Variants in CDCP1 observed in about 807,000 individuals in gnomAD.
CDCP1 encodes the protein CUB domain-containing protein 1.
Under a neutral mutation model 60.2 loss-of-function variants are expected in CDCP1, and 29 were observed. That is an observed-to-expected ratio of 0.48 (90% CI 0.36 to 0.66). The LOEUF (loss-of-function observed/expected upper bound fraction) is 0.66. Ranked by LOEUF, CDCP1 falls within the 30% of genes least tolerant of loss-of-function variation. The pLI is 0.00. For missense variants in CDCP1, 876 were observed against 1,074.3 expected (o/e 0.82, Z 2.58); for synonymous variants, 387 against 431.1 (o/e 0.90, Z 1.27).
chr3:45,093,523 G>A lies in CDCP1; in HGVS notation c.1381C>T (p.Leu461=). The A allele has an allele frequency of 6.2e-7, 1 of 1,614,148 alleles. No homozygotes were observed. The highest frequency in any genetic ancestry group is 8.5e-7 in the Non-Finnish European group (1 of 1,179,970). The change falls in exon 6 of 9, where the codon CTG becomes TTG. Residue 461 remains leucine, a synonymous_variant. Transcript: ENST00000296129. ...TGCTGCAGCTTCTGGGCTGGCACCA[G>A]CACCAGGCTGAGCCTGTCCTTGGGC... ...LVPKDRLSLV[L]VPAQKLQQHT...
At chr3:45,136,958 A>G (rs1368121023) in intron 1 of CDCP1, among the ~76,000 whole-genome samples, 1 of 152,224 alleles carries the variant, frequency 6.6e-6, no homozygotes, top group Non-Finnish European at 1.5e-5. Flanking sequence ...GACAGGACCC[A>G]TTGAATTATA....
chr3:45,106,407 CA>C (rs1162009561), intron 4 of CDCP1, among the ~76,000 whole-genome samples: 1 of 152,184 alleles, frequency 6.6e-6, no homozygotes, highest in Non-Finnish European at 1.5e-5. Context: ...CACCACCAAG[CA>C]GCTGCTCTCA....
intron 4 of CDCP1, among the ~76,000 whole-genome samples, chr3:45,099,249 C>A (rs2125992638): frequency 6.6e-6 from 1 of 151,798 alleles, no homozygotes; most frequent in Non-Finnish European, 1.5e-5. Flanking sequence ...CTTTATTCCA[C>A]CTTCACACTT....
chr3:45,093,573 T>C lies in CDCP1; in HGVS notation c.1331A>G (p.His444Arg), dbSNP rs1307746005. Residue 444 changes from histidine (H) to arginine (R), a missense_variant, in exon 6 of 9, where the codon CAT becomes CGT. His to Arg is a conservative substitution (Grantham distance 29). Coordinates refer to ENST00000296129, the MANE Select transcript of CDCP1 (RefSeq NM_022842.5). ...CACCAGCAGCTTCCAGGAGAAGTCATGCAGCTCCACAGGCAGGTGGAGGAT... is the reference window on the plus strand; with the variant it reads ...CACCAGCAGCTTCCAGGAGAAGTCACGCAGCTCCACAGGCAGGTGGAGGAT... Reference protein sequence around the residue: ...SDILHLPVELHDFSWKLLVPK... With the variant: ...SDILHLPVELRDFSWKLLVPK... 14 of 1,614,100 alleles carry C rather than the reference T, an allele frequency of 8.7e-6. No homozygotes were observed. In the South Asian group the frequency reaches 1.4e-4, roughly 16 times the overall value.
intron 1 of CDCP1, among the ~76,000 whole-genome samples, chr3:45,130,949 C>T (rs1287683173): frequency 6.6e-6 from 1 of 152,106 alleles, no homozygotes; most frequent in East Asian, 1.9e-4. Flanking sequence ...TCACTGCAGC[C>T]TTGACCTCCC....
chr3:45,125,093 G>A (rs1467662293), intron 1 of CDCP1, among the ~76,000 whole-genome samples: 1 of 152,228 alleles, frequency 6.6e-6, no homozygotes, highest in Non-Finnish European at 1.5e-5. Context: ...GGGTCTAAAA[G>A]AATGGATATG....
chr3:45,092,881 T>C (rs1424810016), intron 6 of CDCP1, among the ~76,000 whole-genome samples: 1 of 152,180 alleles, frequency 6.6e-6, no homozygotes, highest in Admixed American at 6.5e-5. Flanking sequence ...CGGCACTGCA[T>C]TCTGAATTGT....
chr3:45,145,277 C>T (rs1403777686), intron 1 of CDCP1, among the ~76,000 whole-genome samples: 1 of 152,168 alleles, frequency 6.6e-6, no homozygotes, highest in African/African-American at 2.4e-5. Flanking sequence ...ACCCACATGG[C>T]TTCCTGGAGA....
intron 1 of CDCP1, among the ~76,000 whole-genome samples, chr3:45,141,326 T>C (rs11922656): frequency 0.03 from 4,516 of 152,354 alleles, 253 homozygotes; most frequent in African/African-American, 0.1. Flanking sequence ...AATGGTTTGG[T>C]AGTCCTCAAG....
At chr3:45,125,237 T>C (rs1698958244) in intron 1 of CDCP1, among the ~76,000 whole-genome samples, 1 of 152,178 alleles carries the variant, frequency 6.6e-6, no homozygotes, top group Admixed American at 6.5e-5. Context: ...GGCCAGAGTT[T>C]TGTTTGGGTG....
At chr3:45,138,635 G>A (rs1169552398) in intron 1 of CDCP1, among the ~76,000 whole-genome samples, 1 of 152,230 alleles carries the variant, frequency 6.6e-6, no homozygotes, top group Admixed American at 6.5e-5. Flanking sequence ...GATCACCTGA[G>A]GTCAAGAGTT....
At chr3:45,144,179 T>C (rs1576128484) in intron 1 of CDCP1, among the ~76,000 whole-genome samples, 1 of 152,220 alleles carries the variant, frequency 6.6e-6, no homozygotes, top group East Asian at 1.9e-4. Context: ...CAAACTTTCC[T>C]TTACTTTTCA....
At chr3:45,118,857 C>T (rs1341687983) in intron 1 of CDCP1, among the ~76,000 whole-genome samples, 1 of 152,218 alleles carries the variant, frequency 6.6e-6, no homozygotes, top group Non-Finnish European at 1.5e-5. Flanking sequence ...ATTAATTTTT[C>T]TACAAATTGA....
chr3:45,090,913 G>A (rs1038759104), intron 7 of CDCP1, among the ~76,000 whole-genome samples: 5 of 152,174 alleles, frequency 3.3e-5, no homozygotes, highest in Admixed American at 6.5e-5. Flanking sequence ...CTGCCAGTAG[G>A]TGCATGAATG....
intron 4 of CDCP1, chr3:45,110,096 G>T: frequency 1.7e-6 from 1 of 601,258 alleles, no homozygotes; most frequent in Non-Finnish European, 2.2e-6. Flanking sequence ...TGTGTCCATA[G>T]TAGGGGTGCT....
intron 8 of CDCP1, among the ~76,000 whole-genome samples, chr3:45,087,183 A>G (rs549737487): frequency 6.6e-6 from 1 of 152,212 alleles, no homozygotes; most frequent in Non-Finnish European, 1.5e-5. Context: ...CAGTACCTCA[A>G]TGAATCCTAG....
rs147504482 is a variant in CDCP1, at chr3:45,095,508, C to T, written c.1085G>A (p.Arg362Gln). Residue 362 changes from arginine (R) to glutamine (Q), a missense_variant, in exon 5 of 9, where the codon CGG becomes CAG. Physicochemically the swap from Arg to Gln is conservative, Grantham distance 43 (BLOSUM62 1). Coordinates refer to ENST00000296129, the MANE Select transcript of CDCP1 (RefSeq NM_022842.5). ...ERAMSLTIEP[R>Q]PVKQSRKFVP... Reference sequence around the variant, plus strand: ...AAACTTGCGGCTCTGTTTGACGGGCCGTGGCTCGATGGTGAGTGACATGGC... The same window carrying T: ...AAACTTGCGGCTCTGTTTGACGGGCTGTGGCTCGATGGTGAGTGACATGGC... 1.3e-4 allele frequency: 203 copies of T among 1,614,126 alleles called. No homozygotes were observed. The African/African-American group carries it at 2.2e-3, about 18-fold the overall frequency.
At position 45,093,585 on chromosome 3, in the gene CDCP1, G is replaced by A. The variant is rs747664843; in HGVS notation, c.1319C>T (p.Pro440Leu). ...CCAGGAGAAGTCATGCAGCTCCACAGGCAGGTGGAGGATGTCACTGGGCAC... is the reference window on the plus strand; with the variant it reads ...CCAGGAGAAGTCATGCAGCTCCACAAGCAGGTGGAGGATGTCACTGGGCAC... ...LQVPSDILHL[P>L]VELHDFSWKL... The change falls in exon 6 of 9, where the codon CCT (proline) becomes CTT (leucine). Residue 440 changes from proline to leucine, a missense_variant. Transcript: ENST00000296129. 6.2e-7 allele frequency: 1 copy of A among 1,614,202 alleles called. No homozygotes were observed. Among genetic ancestry groups the A allele is most frequent in the Non-Finnish European group, 8.5e-7 (1 of 1,180,000 alleles).
chr3:45,088,494 T>G (rs1698237573), intron 8 of CDCP1, among the ~76,000 whole-genome samples: 1 of 151,984 alleles, frequency 6.6e-6, no homozygotes, highest in Non-Finnish European at 1.5e-5. Flanking sequence ...AATAAATAAA[T>G]AAAACAGAAG....
Sources: allele counts gnomAD v4.1 joint callset (sites outside exome capture counted in the v4.1 genomes callset), GRCh38; gene constraint gnomAD v4.1.1; transcripts MANE v1.5; gene names NCBI Gene and HGNC (gene_info 2026-07-23, HGNC 2026-07-21).